The following PCDH11Y variants were observed in gnomAD, a reference collection of about 807,000 sequenced individuals.
PCDH11Y encodes protocadherin 11 Y-linked.
For missense variants in PCDH11Y, 12 were observed against 224.8 expected, an observed-to-expected ratio of 0.05 and a Z score of 6.05; for synonymous variants, 9 against 83.6, an observed-to-expected ratio of 0.11 and a Z score of 4.87.
At chrY:5,650,754 A>G (rs2557154) in intron 4 of PCDH11Y, among the ~76,000 whole-genome samples, 26 of 32,805 alleles carry the variant, frequency 7.9e-4, no homozygotes, top group African/African-American at 3.1e-3. Flanking sequence ...CAGATTTTAT[A>G]AAAAATTGAC....
At chrY:5,255,003 C>A in intron 2 of PCDH11Y, among the ~76,000 whole-genome samples, 1 of 30,213 alleles carries the variant, frequency 3.3e-5, no homozygotes, top group African/African-American at 1.3e-4. Context: ...ATAATTACAT[C>A]AAAATAGGGC....
chrY:5,015,500 GA>G (rs2052560264), intron 1 of PCDH11Y, among the ~76,000 whole-genome samples: 1 of 33,066 alleles, frequency 3.0e-5, no homozygotes, highest in African/African-American at 1.2e-4. Flanking sequence ...TTTCTTTGCA[GA>G]AAAAAATACA....
chrY:5,182,790 G>A, intron 2 of PCDH11Y, among the ~76,000 whole-genome samples: 1 of 33,374 alleles, frequency 3.0e-5, no homozygotes, highest in African/African-American at 1.2e-4. Flanking sequence ...GGCTGGAATA[G>A]CTGAGTCTAC....
intron 4 of PCDH11Y, among the ~76,000 whole-genome samples, chrY:5,728,855 A>C: frequency 3.1e-5 from 1 of 32,573 alleles, no homozygotes; most frequent in African/African-American, 1.2e-4. Flanking sequence ...GCTTCCACTT[A>C]TAAGGGAGAA....
intron 2 of PCDH11Y, among the ~76,000 whole-genome samples, chrY:5,174,891 T>G (rs2052891620): frequency 6.2e-5 from 2 of 32,320 alleles, no homozygotes; most frequent in African/African-American, 2.4e-4. Flanking sequence ...AGAATTTATG[T>G]GGACTTCATT....
chrY:5,370,938 C>T, intron 2 of PCDH11Y, among the ~76,000 whole-genome samples: 1 of 29,186 alleles, frequency 3.4e-5, no homozygotes, highest in Non-Finnish European at 8.1e-5. Flanking sequence ...TAAGAGACAA[C>T]CTCTGAATAT....
intron 3 of PCDH11Y, among the ~76,000 whole-genome samples, chrY:5,520,372 T>C: frequency 3.8e-5 from 1 of 26,330 alleles, no homozygotes; most frequent in Non-Finnish European, 8.7e-5. Context: ...TTATTACATA[T>C]ACTATACATT....
chrY:5,323,332 G>A, intron 2 of PCDH11Y, among the ~76,000 whole-genome samples: 1 of 29,856 alleles, frequency 3.3e-5, no homozygotes, highest in African/African-American at 1.3e-4. Context: ...CGAGTAGCTG[G>A]GATTACAGGC....
chrY:5,074,567 T>C, intron 1 of PCDH11Y, among the ~76,000 whole-genome samples: 2 of 31,186 alleles, frequency 6.4e-5, no homozygotes, highest in African/African-American at 2.5e-4. Flanking sequence ...ATGTTATAAT[T>C]TATCGTAAAT....
At chrY:5,021,453 G>A in intron 1 of PCDH11Y, among the ~76,000 whole-genome samples, 2 of 33,725 alleles carry the variant, frequency 5.9e-5, no homozygotes, top group South Asian at 1.3e-3. Flanking sequence ...GCTTGAACAC[G>A]GGAGGCGGAG....
At chrY:5,375,107 T>C in intron 2 of PCDH11Y, among the ~76,000 whole-genome samples, 1 of 33,054 alleles carries the variant, frequency 3.0e-5, no homozygotes, top group African/African-American at 1.2e-4. Context: ...CTGGATCATA[T>C]GGTTGGTGTA....
At chrY:5,238,296 A>G in intron 2 of PCDH11Y, among the ~76,000 whole-genome samples, 1 of 33,457 alleles carries the variant, frequency 3.0e-5, no homozygotes. Flanking sequence ...GATCTTTGAC[A>G]AACCTGACAA....
rs369086709 is a variant in PCDH11Y, at chrY:5,412,548, A to C, written c.3130-88509A>C. Among the ~76,000 whole-genome samples, 40 of 33,484 alleles carry C rather than the reference A, an allele frequency of 1.2e-3. No homozygotes were observed. The East Asian group carries it at 0.013, about 11-fold the overall frequency. 89.8% of individuals were successfully genotyped at this position (33,484 alleles called of 37,273 possible). On this transcript the variant is annotated intron_variant, in intron 2 of 4. Transcript: ENST00000400457. ...CAATGCATCCAGCTTTTGCTCATTC[A>C]GTATGATGTTGGCTGCGGATATGTC...
intron 4 of PCDH11Y, among the ~76,000 whole-genome samples, chrY:5,605,182 C>A: frequency 3.1e-5 from 1 of 32,760 alleles, no homozygotes; most frequent in Non-Finnish European, 7.5e-5. Flanking sequence ...TTAATATAGG[C>A]AAATATGCAC....
At chrY:5,630,164 G>C in intron 4 of PCDH11Y, among the ~76,000 whole-genome samples, 1 of 33,591 alleles carries the variant, frequency 3.0e-5, no homozygotes, top group Non-Finnish European at 7.4e-5. Context: ...CACTGAGTGT[G>C]GTTGGTGGTG....
At chrY:5,355,567 TA>T (rs1556401549) in intron 2 of PCDH11Y, among the ~76,000 whole-genome samples, 3 of 27,335 alleles carry the variant, frequency 1.1e-4, no homozygotes, top group Non-Finnish European at 2.6e-4. Flanking sequence ...TGGAAATATG[TA>T]AAAAAAAAAA....
rs369284469 is a variant in PCDH11Y at position 5,634,964 on chromosome Y, A to G, written c.3352+53166A>G. 6.3e-4 allele frequency among the ~76,000 whole-genome samples: 20 copies of G among 31,962 alleles called. No individual in the cohort carries two copies. The East Asian group carries it at 6.6e-3, about 11-fold the overall frequency. 85.8% of individuals were successfully genotyped at this position (31,962 alleles called of 37,273 possible). A position where few individuals can be genotyped will look rare whatever the true frequency, so the allele number is the denominator to read the frequency against. ...AAGCAATGACAATTTTTTTCTGTAC[A>G]ATAGCAATAATAATAATAATTGCTC... On this transcript the variant is annotated intron_variant, in intron 4 of 4. Coordinates refer to the PCDH11Y transcript ENST00000400457.
chrY:5,220,443 C>T (rs2052951921), intron 2 of PCDH11Y, among the ~76,000 whole-genome samples: 1 of 13,602 alleles, frequency 7.4e-5, no homozygotes, highest in Non-Finnish European at 1.5e-4. Context: ...TTTTTGAGGC[C>T]GAGTCTCACT....
At chrY:5,586,693 A>G in intron 4 of PCDH11Y, among the ~76,000 whole-genome samples, 2 of 30,779 alleles carry the variant, frequency 6.5e-5, no homozygotes, top group Non-Finnish European at 1.6e-4. Flanking sequence ...GGATTTGTCA[A>G]TTTCTTCTGG....
Sources: allele counts gnomAD v4.1 joint callset (sites outside exome capture counted in the v4.1 genomes callset), GRCh38; gene constraint gnomAD v4.1.1; transcripts MANE v1.5; gene names NCBI Gene and HGNC (gene_info 2026-07-23, HGNC 2026-07-21).